PCDHGA1: variants seen among roughly 807,000 people sequenced by gnomAD.
PCDHGA1 encodes the protein protocadherin gamma subfamily A, 1, also known as protocadherin gamma-A1.
A neutral mutation model predicts 58.0 loss-of-function variants in PCDHGA1; 32 were observed. That is an observed-to-expected ratio of 0.55 (90% CI 0.42 to 0.74). PCDHGA1 has a LOEUF of 0.74. PCDHGA1 is among the 30% of genes least tolerant of loss of function. PCDHGA1 has a pLI of 0.00. For synonymous variants in PCDHGA1, 498 were observed against 501.1 expected (o/e 0.99, Z 0.08); for missense variants, 1,205 against 1,182.3 (o/e 1.02, Z -0.28).
At position 141,500,878 on chromosome 5, in the gene PCDHGA1, T is replaced by A. The variant is rs545375199; in HGVS notation, c.2481-4515T>A. On this transcript the variant is annotated intron_variant, in intron 2 of 3. Transcript: ENST00000517417. The stretch of plus-strand genomic sequence containing the variant: ...AGAAAACATACACATTCATTTACAA[T>A]TTTTTTTTTTTGAGACAGTCTCGCT... Among the ~76,000 whole-genome samples, 20 of 92,410 alleles carry A rather than the reference T, an allele frequency of 2.2e-4. 1 individual carries two copies. The East Asian group carries it at 4.8e-3, about 22-fold the overall frequency. The allele number at this position is 92,410 out of a possible 152,430, so 60.6% of individuals were successfully genotyped here.
Position 141,487,810 on chromosome 5 carries a change from C to T in PCDHGA1, c.2422-6997C>T. 7.1e-7 allele frequency: 1 copy of T among 1,417,854 alleles called. No homozygotes were observed. 87.8% of individuals were successfully genotyped at this position (1,417,854 alleles called of 1,614,324 possible). ...ATTAACCAGAGTTGTCACAGTTTAG[C>T]ATTGGGGGCGGGTCATGCCTATATC... is the stretch of plus-strand genomic sequence containing the variant. On this transcript the variant is annotated intron_variant, in intron 1 of 3. Coordinates refer to ENST00000517417, the MANE Select transcript of PCDHGA1 (RefSeq NM_018912.3). This position sits in a 1 kb window ranked among gnomAD's most constrained non-coding sequence, Gnocchi z 5.0.
chr5:141,503,130 C>A (rs1406819266), intron 2 of PCDHGA1, among the ~76,000 whole-genome samples: 1 of 151,980 alleles, frequency 6.6e-6, no homozygotes, highest in Non-Finnish European at 1.5e-5. Context: ...CCTCTGGTAG[C>A]CCCTGACACA....
intron 1 of PCDHGA1, chr5:141,478,885 A>G (rs2099483148): frequency 8.4e-7 from 1 of 1,193,320 alleles, no homozygotes; most frequent in East Asian, 2.6e-5. Flanking sequence ...GCTTGGTATC[A>G]TTTACATTAG....
At chr5:141,421,417 G>A (rs1188564125) in intron 1 of PCDHGA1, 2 of 1,613,950 alleles carry the variant, frequency 1.2e-6, no homozygotes, top group Non-Finnish European at 1.7e-6. Context: ...GGCGAAGCGC[G>A]GAGTCCGCAT....
At chr5:141,408,691 C>T (rs1013098114) in intron 1 of PCDHGA1, 1 of 1,613,854 alleles carries the variant, frequency 6.2e-7, no homozygotes, top group Non-Finnish European at 8.5e-7. Flanking sequence ...CTGATATAAA[C>T]ATAAACTCAA....
Position 141,490,575 on chromosome 5 carries a change from A to G in PCDHGA1, c.2422-4232A>G. 2 of 1,614,140 alleles carry G rather than the reference A, an allele frequency of 1.2e-6. No individual in the cohort carries two copies. The highest frequency in any genetic ancestry group is 2.2e-5 in the East Asian group (1 of 44,876). Reference sequence around the variant, plus strand: ...ATCTCACCATCAGGCTCAACATTTCAGATGTCAATGACAATGCACCCCGCT... The same window carrying G: ...ATCTCACCATCAGGCTCAACATTTCGGATGTCAATGACAATGCACCCCGCT... On this transcript the variant is annotated intron_variant, in intron 1 of 3. Transcript: ENST00000517417. This position sits in a 1 kb window ranked among gnomAD's most constrained non-coding sequence, Gnocchi z 5.4.
rs561817609 is a variant in PCDHGA1, at chr5:141,496,904, G to A, written c.2480+2039G>A. Among the ~76,000 whole-genome samples, 12 of 137,476 alleles carry A rather than the reference G, an allele frequency of 8.7e-5. 1 individual carries two copies. The South Asian group carries it at 2.0e-3, about 23-fold the overall frequency. The allele number at this position is 137,476 out of a possible 152,430, so 90.2% of individuals were successfully genotyped here. On this transcript the variant is annotated intron_variant, in intron 2 of 3. Transcript: ENST00000517417. ...AGTAACACTTAAAAAAAAAAAAAAA[G>A]GCTGGGCACTGTGGTTCACGCCTGT...
Position 141,365,604 on chromosome 5 carries a change from T to C in PCDHGA1, c.2421+32499T>C, listed in dbSNP as rs370603640. The stretch of plus-strand genomic sequence containing the variant: ...GATTATAATATCACTTTAACCGTCA[T>C]GGACCATGGAACCCCGCCCCTCTCT... On this transcript the variant is annotated intron_variant, in intron 1 of 3. Transcript: ENST00000517417. 2.4e-5 allele frequency: 39 copies of C among 1,613,554 alleles called. No homozygotes were observed. Among genetic ancestry groups the C allele is most frequent in the Non-Finnish European group, 3.0e-5 (35 of 1,179,904 alleles).
At chr5:141,365,475 T>C in intron 1 of PCDHGA1, 1 of 1,613,978 alleles carries the variant, frequency 6.2e-7, no homozygotes, top group Non-Finnish European at 8.5e-7. Flanking sequence ...AATGGTGAGA[T>C]TGCATGCTCT....
intron 1 of PCDHGA1, chr5:141,339,457 A>G (rs1220461010): frequency 6.8e-6 from 11 of 1,614,136 alleles, no homozygotes; most frequent in Non-Finnish European, 9.3e-6. Flanking sequence ...ATGCAGACGT[A>G]GGTGAGAACG....
At chr5:141,399,393 CAG>C (rs1335804490) in intron 1 of PCDHGA1, 1 of 1,613,976 alleles carries the variant, frequency 6.2e-7, no homozygotes, top group Non-Finnish European at 8.5e-7. Flanking sequence ...CAGCCACAGA[CAG>C]GGGCAAGCCG....
At position 141,413,202 on chromosome 5, in the gene PCDHGA1, GGAATC is replaced by G. The variant is rs766359797; in HGVS notation, c.2421+80098_2421+80102del. 6.8e-6 allele frequency: 11 copies of G among 1,611,944 alleles called. No homozygotes were observed. The East Asian group carries it at 2.2e-4, about 33-fold the overall frequency. On this transcript the variant is annotated intron_variant, in intron 1 of 3. Coordinates refer to ENST00000517417, the MANE Select transcript of PCDHGA1 (RefSeq NM_018912.3). ...TGGCCGCTCAAAGGAATCGCTCAAAGGAATCAAAGGATTGCAGCGGGCTGGTCCTG... is the reference window on the plus strand; with the variant it reads ...TGGCCGCTCAAAGGAATCGCTCAAAGAAAGGATTGCAGCGGGCTGGTCCTG...
intron 1 of PCDHGA1, among the ~76,000 whole-genome samples, chr5:141,445,597 G>T (rs2098471988): frequency 6.6e-6 from 1 of 152,200 alleles, no homozygotes; most frequent in African/African-American, 2.4e-5. Context: ...TAATCTGAAG[G>T]TCAAGGAAGG....
chr5:141,363,843 T>C (rs771270646), intron 1 of PCDHGA1, among the ~76,000 whole-genome samples: 2 of 152,188 alleles, frequency 1.3e-5, no homozygotes, highest in African/African-American at 2.4e-5. Context: ...TGTCCTAATT[T>C]AATGGACTAA....
chr5:141,409,022 A>G (rs1258261622), intron 1 of PCDHGA1: 1 of 1,614,046 alleles, frequency 6.2e-7, no homozygotes, highest in Non-Finnish European at 8.5e-7. Flanking sequence ...TGAGGGGGTC[A>G]ATGCTGAGAT....
At position 141,331,711 on chromosome 5, in the gene PCDHGA1, A is replaced by G; in HGVS notation, c.1027A>G (p.Asn343Asp). ...VLIKVLDVND[N>D]APEVTITSVT... ...GATCAAAGTTTTGGATGTAAATGAT[A>G]ATGCCCCAGAAGTGACCATCACCTC... Residue 343 changes from asparagine (N) to aspartate (D), a missense_variant, in exon 1 of 4, where the codon AAT becomes GAT. By Grantham distance (23) the Asn-to-Asp change is conservative. Transcript: ENST00000517417. 1 of 1,614,040 alleles carries G rather than the reference A, an allele frequency of 6.2e-7. No individual in the cohort carries two copies. Among genetic ancestry groups the G allele is most frequent in the Non-Finnish European group, 8.5e-7 (1 of 1,180,002 alleles).
chr5:141,414,946 C>T, intron 1 of PCDHGA1: 1 of 1,614,102 alleles, frequency 6.2e-7, no homozygotes, highest in East Asian at 2.2e-5. Context: ...GCCCGGCTAC[C>T]TGGTGACCAA....
At position 141,355,240 on chromosome 5, in the gene PCDHGA1, C is replaced by T. The variant is rs199669967; in HGVS notation, c.2421+22135C>T. 284 of 1,612,752 alleles carry T rather than the reference C, an allele frequency of 1.8e-4. 1 individual carries two copies. The highest frequency in any genetic ancestry group is 7.2e-4 in the Admixed American group (43 of 59,992). ...TGCTCGCCCAGACCACACCCGGCTG[C>T]TCCAGATCTGCCTTCTCCTGGGGGT... On this transcript the variant is annotated intron_variant, in intron 1 of 3. Transcript: ENST00000517417.
At chr5:141,351,422 T>C (rs369103466) in intron 1 of PCDHGA1, 4 of 1,611,720 alleles carry the variant, frequency 2.5e-6, no homozygotes, top group African/African-American at 1.3e-5. Context: ...AGAAGTTCCT[T>C]TCAAATTAGA....
Sources: gnomAD v4.1 joint callset for allele counts (sites outside exome capture counted in the v4.1 genomes callset) on GRCh38, gnomAD v4.1.1 for gene constraint, Gnocchi (gnomAD v3.1) non-coding constraint, MANE v1.5 for transcripts, NCBI Gene and HGNC (gene_info 2026-07-23, HGNC 2026-07-21) for gene names.